The following ILDR2 variants were observed in gnomAD, a reference collection of about 807,000 sequenced individuals.
The protein encoded by ILDR2 is immunoglobulin like domain containing receptor 2.
ILDR2 carries 25 observed loss-of-function variants against 66.8 expected under a neutral mutation model. The observed-to-expected ratio is 0.37, with a 90% CI of 0.27 to 0.52. The LOEUF is 0.52. ILDR2 is among the 20% of genes least tolerant of loss of function. The pLI, the probability that ILDR2 is intolerant of heterozygous loss-of-function variation, is 0.88. For missense variants in ILDR2, 827 were observed against 876.8 expected, an observed-to-expected ratio of 0.94 and a Z score of 0.72; for synonymous variants, 367 against 357.2, an observed-to-expected ratio of 1.03 and a Z score of -0.31.
Position 166,921,155 on chromosome 1 carries a change from C to T in ILDR2, c.1436G>A (p.Gly479Asp). The T allele has an allele frequency of 6.5e-6, 10 of 1,539,128 alleles. No individual in the cohort carries two copies. The highest frequency in any genetic ancestry group is 8.7e-6 in the Non-Finnish European group (10 of 1,149,030). ...GGGCTCGCGGCTGCGGCTGCGCTGACCGTAGTACTCCTCCAAGGAGTCGTC... is the reference window on the plus strand; with the variant it reads ...GGGCTCGCGGCTGCGGCTGCGCTGATCGTAGTACTCCTCCAAGGAGTCGTC... ...YQDDSLEEYY[G>D]QRSRSREPLT... Residue 479 changes from glycine (G) to aspartate (D), a missense_variant, in exon 9 of 10, where the codon GGT becomes GAT. Physicochemically the swap from Gly to Asp is moderately conservative, Grantham distance 94. This residue lies in a region of ILDR2 where 390 missense variants were observed against 353.6 expected (regional missense o/e 1.10). Transcript: ENST00000271417. The surrounding 1 kb of genome is among the most constrained non-coding windows in gnomAD (Gnocchi z 5.3).
At chr1:166,933,045 C>T (rs1181035531) in intron 6 of ILDR2, among the ~76,000 whole-genome samples, 3 of 152,208 alleles carry the variant, frequency 2.0e-5, no homozygotes, top group African/African-American at 7.2e-5. Flanking sequence ...TGTCCTGGCT[C>T]CACCAGCCAG....
intron 1 of ILDR2, among the ~76,000 whole-genome samples, chr1:166,960,798 A>G (rs1295366312): frequency 1.3e-5 from 2 of 152,224 alleles, no homozygotes; most frequent in Non-Finnish European, 2.9e-5. Flanking sequence ...TGATGTGGCT[A>G]ATTCCATTCT....
chr1:166,898,736 C>A (rs910269852), intron 2 of ILDR2, among the ~76,000 whole-genome samples: 1 of 151,992 alleles, frequency 6.6e-6, no homozygotes, highest in African/African-American at 2.4e-5. Flanking sequence ...TATTTGGGTC[C>A]CTAGTATGTA....
intron 7 of ILDR2, among the ~76,000 whole-genome samples, 176 bp downstream of exon 7, chr1:166,926,891 A>C (rs1660331336): frequency 6.6e-6 from 1 of 151,976 alleles, no homozygotes; most frequent in South Asian, 2.1e-4. Flanking sequence ...TCACACCAGA[A>C]GACCTTTTTT....
intron 2 of ILDR2, among the ~76,000 whole-genome samples, chr1:166,902,127 T>C (rs1659275496): frequency 6.6e-6 from 1 of 152,240 alleles, no homozygotes; most frequent in African/African-American, 2.4e-5. Context: ...CCCAAAGTGC[T>C]GGGATTAGAG....
intron 9 of ILDR2, among the ~76,000 whole-genome samples, chr1:166,919,892 G>C (rs968158187): frequency 6.6e-6 from 1 of 152,130 alleles, no homozygotes; most frequent in African/African-American, 2.4e-5. Context: ...GGGAGGCAGG[G>C]TAATTGCGAA....
intron 3 of ILDR2, among the ~76,000 whole-genome samples, chr1:166,941,146 G>A (rs1661292446): frequency 6.6e-6 from 1 of 152,218 alleles, no homozygotes; most frequent in South Asian, 2.1e-4. Flanking sequence ...ATGGGGACCA[G>A]AGTATATTCC....
intron 1 of ILDR2, 116 bp downstream of exon 1, chr1:166,975,107 A>C: frequency 1.5e-5 from 12 of 776,112 alleles, no homozygotes; most frequent in East Asian, 2.8e-5. Context: ...CCAGACCGCT[A>C]AGCAGCTTTA....
intron 6 of ILDR2, among the ~76,000 whole-genome samples, chr1:166,930,148 T>G (rs1178076183): frequency 6.6e-6 from 1 of 152,162 alleles, no homozygotes; most frequent in Non-Finnish European, 1.5e-5. Flanking sequence ...AGCTGGAGGA[T>G]CCTCAGTTAA....
At chr1:166,970,815 A>G (rs917363595) in intron 1 of ILDR2, among the ~76,000 whole-genome samples, 12 of 152,180 alleles carry the variant, frequency 7.9e-5, no homozygotes, top group Admixed American at 7.2e-4. Context: ...CTGGGGGACA[A>G]TGCCGAGCTG....
At position 166,927,087 on chromosome 1, in the gene ILDR2, G is replaced by A; in HGVS notation, c.974C>T (p.Ala325Val). The change falls in exon 7 of 10, where the codon GCC becomes GTC. Residue 325 changes from alanine (A) to valine (V), a missense_variant. By Grantham distance (64) the Ala-to-Val change is moderately conservative. Coordinates refer to ENST00000271417, the MANE Select transcript of ILDR2 (RefSeq NM_199351.3). ...CTCACATCTGCCTCTCATCCTTCTG[G>A]CTGGATCAAACTGAGCCAGCTCCTT... The part of the protein sequence containing the change: ...VEKELAQFDP[A>V]RRMRGRYNNT... 1 of 1,610,332 alleles carries A rather than the reference G, an allele frequency of 6.2e-7. No individual in the cohort carries two copies. Among genetic ancestry groups the A allele is most frequent in the Non-Finnish European group, 8.5e-7 (1 of 1,177,614 alleles).
Position 166,922,624 on chromosome 1 carries a change from T to TA in ILDR2, c.1179dup (p.Asn394Ter). 1 of 1,614,108 alleles carries TA rather than the reference T, an allele frequency of 6.2e-7. No homozygotes were observed. Among genetic ancestry groups the TA allele is most frequent in the Non-Finnish European group, 8.5e-7 (1 of 1,180,022 alleles). On this transcript the variant is annotated frameshift_variant, in exon 8 of 10. Coordinates refer to ENST00000271417, the MANE Select transcript of ILDR2 (RefSeq NM_199351.3). LOFTEE classifies it high-confidence loss of function. ...CTGAAGCTCTCTCGATCCTCTTTGT[T>TA]ATACTCCATGGCTGAGGGCCCGCGG... is the stretch of plus-strand genomic sequence containing the variant.
chr1:166,968,601 C>G (rs1472766697), intron 1 of ILDR2, among the ~76,000 whole-genome samples: 1 of 152,138 alleles, frequency 6.6e-6, no homozygotes, highest in Non-Finnish European at 1.5e-5. Flanking sequence ...GCATTGGTCC[C>G]TGTAGGCAGA....
At chr1:166,931,666 T>G (rs894607984) in intron 6 of ILDR2, among the ~76,000 whole-genome samples, 3 of 152,094 alleles carry the variant, frequency 2.0e-5, no homozygotes, top group African/African-American at 7.2e-5. Context: ...CTAGGACAGT[T>G]TCAGTAGAGA....
chr1:166,931,003 A>G (rs998257521), intron 6 of ILDR2, among the ~76,000 whole-genome samples: 2 of 152,158 alleles, frequency 1.3e-5, no homozygotes, highest in Non-Finnish European at 2.9e-5. Context: ...AGATTGATGG[A>G]TGATTTATCT....
At position 166,921,901 on chromosome 1, in the gene ILDR2, G is replaced by A. The variant is rs1240495380; in HGVS notation, c.1212-522C>T. ...ATGTTCACTGTCTTTTAAGGTAAAG[G>A]ACAGATGAGTGGTGAAGGTGCTATT... On this transcript the variant is annotated intron_variant, in intron 8 of 9. Transcript: ENST00000271417. The surrounding 1 kb of genome is among the most constrained non-coding windows in gnomAD (Gnocchi z 5.3). Among the ~76,000 whole-genome samples the A allele has an allele frequency of 6.6e-6, 1 of 152,128 alleles. No individual in the cohort carries two copies. The highest frequency in any genetic ancestry group is 2.4e-5 in the African/African-American group (1 of 41,442).
At chr1:166,958,693 T>G (rs1007695760) in intron 1 of ILDR2, among the ~76,000 whole-genome samples, 2 of 152,182 alleles carry the variant, frequency 1.3e-5, no homozygotes, top group African/African-American at 4.8e-5. Context: ...ATCAACTTAA[T>G]CTCTTAACAT....
At chr1:166,961,014 A>T (rs1662580223) in intron 1 of ILDR2, among the ~76,000 whole-genome samples, 1 of 152,206 alleles carries the variant, frequency 6.6e-6, no homozygotes, top group Admixed American at 6.5e-5. Context: ...CCATTCCCAT[A>T]CAAGGCTGTG....
Position 166,913,190 on chromosome 1 carries a change from T to A in ILDR2, c.*6165A>T, listed in dbSNP as rs1198923736. Reference sequence around the variant, plus strand: ...TAACCATAGTTGTGTTAATTATGAGTTCTTGGTAACAAATGTAGGTAAGAA... The same window carrying A: ...TAACCATAGTTGTGTTAATTATGAGATCTTGGTAACAAATGTAGGTAAGAA... On this transcript the variant is annotated 3_prime_UTR_variant, in exon 10 of 10. Transcript: ENST00000271417. 1.3e-5 allele frequency: 2 copies of A among 152,148 alleles called. No individual in the cohort carries two copies. Among genetic ancestry groups the A allele is most frequent in the Non-Finnish European group, 2.9e-5 (2 of 68,018 alleles). The allele number at this position is 152,148 out of a possible 1,614,324, so 9.4% of individuals were successfully genotyped here.
Sources: allele counts gnomAD v4.1 joint callset (sites outside exome capture counted in the v4.1 genomes callset), GRCh38; gene constraint gnomAD v4.1.1; regional missense constraint gnomAD v4.1.1; non-coding constraint Gnocchi (gnomAD v3.1); transcripts MANE v1.5; gene names NCBI Gene and HGNC (gene_info 2026-07-23, HGNC 2026-07-21).